The following GRK4 variants were observed in gnomAD, a reference collection of about 807,000 sequenced individuals.
GRK4 encodes the protein G protein-coupled receptor kinase 2-like.
A neutral mutation model predicts 77.9 loss-of-function variants in GRK4; 73 were observed. The observed-to-expected ratio is 0.94, with a 90% CI of 0.78 to 1.14. GRK4 has a LOEUF of 1.14. Among genes scored for constraint, GRK4 ranks in the 50% most tolerant of loss-of-function variants. GRK4 has a pLI of 0.00. For missense variants in GRK4, 729 were observed against 700.2 expected, an observed-to-expected ratio of 1.04 and a Z score of -0.46; for synonymous variants, 257 against 254.4, an observed-to-expected ratio of 1.01 and a Z score of -0.10.
At chr4:3,035,107 C>T (rs763281309) in intron 12 of GRK4, among the ~76,000 whole-genome samples, 7 of 151,894 alleles carry the variant, frequency 4.6e-5, no homozygotes, top group Non-Finnish European at 1.0e-4. Flanking sequence ...TAGCTGGGCA[C>T]GGTGGCGGGT....
chr4:2,998,124 A>T (rs970317379), intron 4 of GRK4, among the ~76,000 whole-genome samples: 1 of 152,048 alleles, frequency 6.6e-6, no homozygotes, highest in African/African-American at 2.4e-5. Context: ...TGGGAGGCCA[A>T]AGCGCGTGGA....
intron 1 of GRK4, among the ~76,000 whole-genome samples, chr4:2,968,776 G>A (rs993933247): frequency 6.6e-6 from 1 of 152,180 alleles, no homozygotes; most frequent in Non-Finnish European, 1.5e-5. Flanking sequence ...GTTTTGGATA[G>A]TTTTAGACAG....
intron 6 of GRK4, among the ~76,000 whole-genome samples, chr4:3,009,385 G>A (rs1362689935): frequency 6.9e-6 from 1 of 144,018 alleles, no homozygotes; most frequent in African/African-American, 2.6e-5. Flanking sequence ...TCGTGCCACT[G>A]CACTCCAGCC....
At position 3,035,371 on chromosome 4, in the gene GRK4, T is replaced by C; in HGVS notation, c.1270-15T>C. The C allele has an allele frequency of 6.2e-7, 1 of 1,613,748 alleles. No individual in the cohort carries two copies. The highest frequency in any genetic ancestry group is 1.1e-5 in the South Asian group (1 of 91,054). On this transcript the variant is annotated splice_polypyrimidine_tract_variant and intron_variant, in intron 12 of 15. Coordinates refer to ENST00000398052, the MANE Select transcript of GRK4 (RefSeq NM_182982.3). ...ATCCAGAGGCTCAAGTGGGTTGCAT[T>C]TCTGCCTCTTGCAGTTACTCACCAA...
intron 14 of GRK4, among the ~76,000 whole-genome samples, 174 bp downstream of exon 14, chr4:3,037,685 G>A (rs1022946265): frequency 6.6e-6 from 1 of 152,124 alleles, no homozygotes; most frequent in African/African-American, 2.4e-5. Context: ...GGGAGGCTGA[G>A]GCAGGCAGAT....
chr4:2,995,131 G>T (rs978291166), intron 4 of GRK4, among the ~76,000 whole-genome samples: 1 of 152,142 alleles, frequency 6.6e-6, no homozygotes, highest in Non-Finnish European at 1.5e-5. Flanking sequence ...TTTTACGGCT[G>T]CATAGTATTC....
intron 2 of GRK4, among the ~76,000 whole-genome samples, chr4:2,985,984 C>CAAAAAAAAAA (rs1181104072): frequency 1.1e-5 from 1 of 91,698 alleles, no homozygotes; most frequent in Non-Finnish European, 2.3e-5. Context: ...GACTCCGTCT[C>CAAAAAAAAAA]AAAAAAAAAA....
intron 12 of GRK4, among the ~76,000 whole-genome samples, chr4:3,034,388 T>C (rs1740019210): frequency 6.6e-6 from 1 of 152,226 alleles, no homozygotes; most frequent in African/African-American, 2.4e-5. Context: ...GCAGGTCTAT[T>C]ACAGCGATTC....
At position 2,988,771 on chromosome 4, in the gene GRK4, C is replaced by T. The variant is rs372027080; in HGVS notation, c.193C>T (p.Arg65Cys). ...SLCDKQPIGR[R>C]LFRQFCDTKP... ...TTGTGACAAGCAACCGATAGGAAGA[C>T]GTCTCTTCAGGCAGTTCTGTGATAC... Residue 65 changes from arginine (R) to cysteine (C), a missense_variant, in exon 3 of 16, where the codon CGT becomes TGT. Arg to Cys is a radical substitution (Grantham distance 180). Coordinates refer to ENST00000398052, the MANE Select transcript of GRK4 (RefSeq NM_182982.3). The T allele has an allele frequency of 4.1e-5, 66 of 1,613,010 alleles. No homozygotes were observed. The highest frequency in any genetic ancestry group is 6.7e-5 in the East Asian group (3 of 44,884).
Position 3,001,089 on chromosome 4 carries a change from A to ATATATATATATATATGTGTGTG in GRK4, c.340-3141_340-3140insATATATATATATATGTGTGTGT. 2.5e-3 allele frequency among the ~76,000 whole-genome samples: 210 copies of ATATATATATATATATGTGTGTG among 82,430 alleles called. 18 individuals carry two copies. The highest frequency in any genetic ancestry group is 0.011 in the African/African-American group (184 of 17,212). 54.1% of individuals were successfully genotyped at this position (82,430 alleles called of 152,430 possible). A position where few individuals can be genotyped will look rare whatever the true frequency, so the allele number is the denominator to read the frequency against. On this transcript the variant is annotated intron_variant, in intron 4 of 15. Transcript: ENST00000398052. ...TAAATGAGACTATATATATATATAT[A>ATATATATATATATATGTGTGTG]TGTGTGTGTGTGTGTGTATATATAT...
intron 1 of GRK4, among the ~76,000 whole-genome samples, chr4:2,972,671 G>C (rs1223327475): frequency 1.3e-5 from 2 of 152,134 alleles, no homozygotes; most frequent in African/African-American, 4.8e-5. Context: ...CGGGGGCGGA[G>C]GGGGAGTCCT....
chr4:3,017,745 A>T (rs1037448059), intron 8 of GRK4, among the ~76,000 whole-genome samples: 4 of 152,242 alleles, frequency 2.6e-5, no homozygotes, highest in African/African-American at 9.6e-5. Flanking sequence ...GGGAAGAACC[A>T]TATGGTCATC....
At chr4:2,977,014 A>G (rs1267199464) in intron 1 of GRK4, among the ~76,000 whole-genome samples, 2 of 152,100 alleles carry the variant, frequency 1.3e-5, no homozygotes, top group Non-Finnish European at 1.5e-5. Flanking sequence ...GGGTGGGAAA[A>G]CCACACCCCT....
At chr4:3,030,986 A>C (rs1030755698) in intron 12 of GRK4, among the ~76,000 whole-genome samples, 2 of 152,098 alleles carry the variant, frequency 1.3e-5, no homozygotes, top group Non-Finnish European at 2.9e-5. Flanking sequence ...GGTGACGCAG[A>C]CCTCGGTGAT....
intron 1 of GRK4, among the ~76,000 whole-genome samples, chr4:2,980,151 G>C (rs1722465970): frequency 6.6e-6 from 1 of 152,226 alleles, no homozygotes; most frequent in Admixed American, 6.5e-5. Flanking sequence ...AGCCTGGACA[G>C]TGCCTGGCAC....
chr4:3,030,878 A>G (rs933786968), intron 12 of GRK4, among the ~76,000 whole-genome samples: 1 of 152,130 alleles, frequency 6.6e-6, no homozygotes, highest in Admixed American at 6.5e-5. Context: ...GTGAAGAGTG[A>G]TGTGATGAGA....
At chr4:3,003,276 G>C (rs891646298) in intron 4 of GRK4, among the ~76,000 whole-genome samples, 1 of 152,084 alleles carries the variant, frequency 6.6e-6, no homozygotes, top group Non-Finnish European at 1.5e-5. Context: ...TGCAACCTCC[G>C]CCTCTCAGCT....
At chr4:3,018,530 G>C (rs1469407330) in intron 8 of GRK4, among the ~76,000 whole-genome samples, 1 of 151,974 alleles carries the variant, frequency 6.6e-6, no homozygotes, top group African/African-American at 2.4e-5. Flanking sequence ...GCAAAGAACT[G>C]ACAAAAATGT....
chr4:2,982,296 T>C (rs966907057), intron 1 of GRK4, among the ~76,000 whole-genome samples: 2 of 152,222 alleles, frequency 1.3e-5, no homozygotes, highest in East Asian at 3.9e-4. Context: ...GCCTCGCTGC[T>C]TGGATCCTGG....
Sources: allele counts gnomAD v4.1 joint callset (sites outside exome capture counted in the v4.1 genomes callset), GRCh38; gene constraint gnomAD v4.1.1; transcripts MANE v1.5; gene names NCBI Gene and HGNC (gene_info 2026-07-23, HGNC 2026-07-21).